PREPL: variants seen among roughly 807,000 people sequenced by gnomAD.
PREPL encodes prolyl endopeptidase-like.
PREPL carries 77 observed loss-of-function variants against 70.6 expected under a neutral mutation model. The ratio of observed to expected loss-of-function variants is 1.09; its 90% CI spans 0.91 to 1.32. PREPL has a LOEUF of 1.32. PREPL is among the 40% of genes most tolerant of loss of function. PREPL has a pLI of 0.00. For missense variants in PREPL, 1,002 were observed against 778.2 expected (o/e 1.29, Z -3.42); for synonymous variants, 315 against 264.8 (o/e 1.19, Z -1.84).
At chr2:44,359,791 T>C (rs892498309) in intron 1 of PREPL, 8 of 1,031,790 alleles carry the variant, frequency 7.8e-6, no homozygotes, top group Admixed American at 1.9e-5. Context: ...GATTACAGAG[T>C]AGTGGGTTCT....
chr2:44,332,369 G>A (rs531197500), intron 8 of PREPL, 90 bp downstream of exon 8: 57 of 1,138,456 alleles, frequency 5.0e-5, no homozygotes, highest in Non-Finnish European at 6.0e-5. Flanking sequence ...TTAGGAAACC[G>A]TGCTAATGTA....
chr2:44,352,717 A>G (rs1202584918), intron 1 of PREPL, among the ~76,000 whole-genome samples: 1 of 152,250 alleles, frequency 6.6e-6, no homozygotes, highest in Non-Finnish European at 1.5e-5. Flanking sequence ...AGTTGAATAA[A>G]ATTCAGACAG....
At chr2:44,361,214 C>A (rs1415867601) in intron 1 of PREPL, among the ~76,000 whole-genome samples, 166 bp downstream of exon 1, 1 of 152,164 alleles carries the variant, frequency 6.6e-6, no homozygotes, top group Admixed American at 6.5e-5. Flanking sequence ...CAACTCTCCA[C>A]CCCAGGGATG....
intron 7 of PREPL, among the ~76,000 whole-genome samples, chr2:44,334,639 G>A (rs888346454): frequency 3.9e-5 from 6 of 152,172 alleles, no homozygotes; most frequent in East Asian, 3.8e-4. Context: ...TCCAGCTCTC[G>A]GCTTCAAGTG....
At chr2:44,340,621 T>C (rs985288396) in intron 5 of PREPL, among the ~76,000 whole-genome samples, 3 of 152,072 alleles carry the variant, frequency 2.0e-5, no homozygotes, top group Non-Finnish European at 4.4e-5. Flanking sequence ...AGTATGTAAA[T>C]AGCTCTTTAA....
At chr2:44,354,032 T>G (rs1171462957) in intron 1 of PREPL, among the ~76,000 whole-genome samples, 2 of 152,012 alleles carry the variant, frequency 1.3e-5, no homozygotes, top group South Asian at 4.2e-4. Context: ...CTGGGCATAG[T>G]TGTGGGCCCA....
Position 44,318,854 on chromosome 2 carries a change from C to A in PREPL, c.*2502G>T, listed in dbSNP as rs1373315009. The A allele has an allele frequency of 6.6e-6, 1 of 152,076 alleles. No individual in the cohort carries two copies. The highest frequency in any genetic ancestry group is 6.5e-5 in the Admixed American group (1 of 15,278). 9.4% of individuals were successfully genotyped at this position (152,076 alleles called of 1,614,324 possible). On this transcript the variant is annotated 3_prime_UTR_variant, in exon 14 of 14. Transcript: ENST00000409411. Reference sequence around the variant, plus strand: ...AGGCAATTTTCAAAAATTGATAAAACATTCCACCAAAAATCATGACTACGC... The same window carrying A: ...AGGCAATTTTCAAAAATTGATAAAAAATTCCACCAAAAATCATGACTACGC...
intron 2 of PREPL, among the ~76,000 whole-genome samples, chr2:44,345,847 A>T (rs1038233735): frequency 2.6e-5 from 4 of 152,174 alleles, no homozygotes; most frequent in Non-Finnish European, 4.4e-5. Flanking sequence ...TGATTAAAAA[A>T]TTTTTAAATC....
intron 8 of PREPL, 43 bp downstream of exon 8, chr2:44,332,416 C>T: frequency 6.5e-7 from 1 of 1,528,062 alleles, no homozygotes; most frequent in Admixed American, 1.7e-5. Context: ...AAACGGTATG[C>T]TTTCAGTAAA....
chr2:44,322,437 A>G (rs929569285), intron 12 of PREPL, among the ~76,000 whole-genome samples: 1 of 152,208 alleles, frequency 6.6e-6, no homozygotes, highest in African/African-American at 2.4e-5. Context: ...TGTTAAATGA[A>G]TTAATAATTG....
rs765196342 is a variant in PREPL, at chr2:44,321,380, A to T, written c.1893T>A (p.Asp631Glu). ...TTCAGAATTTCAGGTATTTCTTAAGATCCTCGAAAACACTGGTGCTGTCAA... is the reference window on the plus strand; with the variant it reads ...TTCAGAATTTCAGGTATTTCTTAAGTTCCTCGAAAACACTGGTGCTGTCAA... ...LGLDSTSVFEDLKKYLKF is the reference protein window; with the variant it reads ...LGLDSTSVFEELKKYLKF The change falls in exon 14 of 14, where the codon GAT becomes GAA. Residue 631 changes from aspartate to glutamate, a missense_variant. Coordinates refer to ENST00000409411, the MANE Select transcript of PREPL (RefSeq NM_001171613.2). 1.2e-6 allele frequency: 2 copies of T among 1,611,084 alleles called. No individual in the cohort carries two copies. The highest frequency in any genetic ancestry group is 1.3e-5 in the African/African-American group (1 of 74,934).
At chr2:44,327,426 A>T (rs1673624401) in intron 9 of PREPL, among the ~76,000 whole-genome samples, 1 of 152,216 alleles carries the variant, frequency 6.6e-6, no homozygotes, top group Non-Finnish European at 1.5e-5. Context: ...AGGAACACAA[A>T]TGCTTTTAAG....
At chr2:44,361,114 T>C (rs975104182) in intron 1 of PREPL, among the ~76,000 whole-genome samples, 2 of 152,218 alleles carry the variant, frequency 1.3e-5, no homozygotes, top group African/African-American at 4.8e-5. Context: ...CCATCCATCT[T>C]TCATCCCCAA....
Position 44,339,289 on chromosome 2 carries a change from T to C in PREPL, c.560A>G (p.Glu187Gly). 6.2e-7 allele frequency: 1 copy of C among 1,614,056 alleles called. No individual in the cohort carries two copies. The highest frequency in any genetic ancestry group is 8.5e-7 in the Non-Finnish European group (1 of 1,180,002). ...TINIMNKTTS[E>G]VWLIDGLSPW... ...GCTCAGGCCATCTATCAACCACACT[T>C]CAGAAGTAGTCTTGTTCATAATATT... Residue 187 changes from glutamate (E) to glycine (G), a missense_variant, in exon 6 of 14, where the codon GAA becomes GGA. Transcript: ENST00000409411.
chr2:44,354,580 T>C (rs1226086890), intron 1 of PREPL, among the ~76,000 whole-genome samples: 1 of 121,212 alleles, frequency 8.3e-6, no homozygotes, highest in African/African-American at 6.4e-5. Flanking sequence ...CCTCCTCTCT[T>C]TTTTTTTTTT....
At chr2:44,361,073 T>TCCTA (rs1677723736) in intron 1 of PREPL, among the ~76,000 whole-genome samples, 1 of 152,122 alleles carries the variant, frequency 6.6e-6, no homozygotes, top group South Asian at 2.1e-4. Flanking sequence ...CCTGCAAAGG[T>TCCTA]CCTACATCAC....
At chr2:44,321,674 A>C (rs1342559880) in intron 13 of PREPL, 153 bp downstream of exon 13, 1 of 1,544,052 alleles carries the variant, frequency 6.5e-7, no homozygotes, top group East Asian at 2.4e-5. Flanking sequence ...CTCTTGATTG[A>C]CACAGTGTCC....
In PREPL at chr2:44,343,763, G is replaced by A. The variant is rs771626380; in HGVS notation, c.331C>T (p.Pro111Ser). The change falls in exon 4 of 14, where the codon CCG (proline) becomes TCG (serine). Residue 111 changes from proline (P) to serine (S), a missense_variant. Transcript: ENST00000409411. ...SDQPVMEASFPNVSSFEWVKD... is the reference protein window; with the variant it reads ...SDQPVMEASFSNVSSFEWVKD... ...GGCTTACCAAAACTGGACACATTCG[G>A]GAAAGAAGCTTCCATTACGGGCTGA... is the stretch of plus-strand genomic sequence containing the variant. The A allele has an allele frequency of 1.9e-5, 30 of 1,613,572 alleles. No individual in the cohort carries two copies. The highest frequency in any genetic ancestry group is 2.5e-5 in the Non-Finnish European group (30 of 1,179,648).
In PREPL at chr2:44,346,271, C is replaced by T; in HGVS notation, c.72G>A (p.Val24=). Residue 24 remains valine (V), a synonymous_variant, in exon 2 of 14, where the codon GTG becomes GTA. Transcript: ENST00000409411. ...TTAAAGACATGAGATATCTTACTTC[C>T]ACATTGATGATTTCATATTCTTCTT... The part of the protein sequence containing the change: ...QPQEEYEIIN[V]EVKHGGFVYY... 1 of 1,609,528 alleles carries T rather than the reference C, an allele frequency of 6.2e-7. No homozygotes were observed. Among genetic ancestry groups the T allele is most frequent in the Middle Eastern group, 1.7e-4 (1 of 6,042 alleles).
Sources: gnomAD v4.1 joint callset for allele counts (sites outside exome capture counted in the v4.1 genomes callset) on GRCh38, gnomAD v4.1.1 for gene constraint, MANE v1.5 for transcripts, NCBI Gene and HGNC (gene_info 2026-07-23, HGNC 2026-07-21) for gene names.